BRINP3: variants seen among roughly 807,000 people sequenced by gnomAD.
The protein encoded by BRINP3 is BMP/retinoic acid-inducible neural-specific protein 3.
Under a neutral mutation model 71.0 loss-of-function variants are expected in BRINP3, and 19 were observed. That is an observed-to-expected ratio of 0.27 (90% CI 0.19 to 0.39). The LOEUF is 0.39. BRINP3 is among the 10% of genes least tolerant of loss of function. The pLI is 1.00. For missense variants in BRINP3, 959 were observed against 940.8 expected (o/e 1.02, Z -0.25); for synonymous variants, 380 against 337.7 (o/e 1.13, Z -1.37).
At chr1:190,408,114 C>A (rs963195372) in intron 2 of BRINP3, among the ~76,000 whole-genome samples, 1 of 150,502 alleles carries the variant, frequency 6.6e-6, no homozygotes, top group Non-Finnish European at 1.5e-5. Flanking sequence ...CTCCGCCTCC[C>A]GGGTTCACGC....
chr1:190,174,610 A>G (rs994424075), intron 6 of BRINP3, among the ~76,000 whole-genome samples: 2 of 152,148 alleles, frequency 1.3e-5, no homozygotes, highest in Admixed American at 6.6e-5. Context: ...AGTTTTATAT[A>G]TAATAGCATT....
intron 2 of BRINP3, among the ~76,000 whole-genome samples, chr1:190,305,301 C>A (rs1375776262): frequency 1.3e-5 from 2 of 151,698 alleles, no homozygotes. Context: ...GATTTGCATT[C>A]TTTAGTTTAT....
Position 190,401,723 on chromosome 1 carries a change from A to G in BRINP3, c.236+52932T>C, listed in dbSNP as rs1571956944. ...GATTTCTGTTAATTACTGTAAATGA[A>G]CCCAAATTAATAAAAGAAAACAATT... is the stretch of plus-strand genomic sequence containing the variant. On this transcript the variant is annotated intron_variant, in intron 2 of 7. Coordinates refer to ENST00000367462, the MANE Select transcript of BRINP3 (RefSeq NM_199051.3). 2.0e-5 allele frequency among the ~76,000 whole-genome samples: 3 copies of G among 152,288 alleles called. No homozygotes were observed. The South Asian group carries it at 6.2e-4, about 32-fold the overall frequency.
intron 2 of BRINP3, among the ~76,000 whole-genome samples, chr1:190,297,241 A>G (rs549244755): frequency 2.0e-5 from 3 of 152,214 alleles, no homozygotes; most frequent in African/African-American, 7.2e-5. Context: ...CTATTCATAT[A>G]TGGTTATCTA....
At chr1:190,402,758 G>T (rs1373867657) in intron 2 of BRINP3, among the ~76,000 whole-genome samples, 1 of 151,934 alleles carries the variant, frequency 6.6e-6, no homozygotes. Flanking sequence ...TTTGAGACAG[G>T]TCTCATTCTG....
At chr1:190,396,986 G>T (rs1032725970) in intron 2 of BRINP3, among the ~76,000 whole-genome samples, 2 of 151,770 alleles carry the variant, frequency 1.3e-5, no homozygotes, top group African/African-American at 4.8e-5. Flanking sequence ...CAAAGGGGAT[G>T]TATGACTTCC....
At chr1:190,171,918 G>A (rs1173335529) in intron 6 of BRINP3, among the ~76,000 whole-genome samples, 3 of 151,720 alleles carry the variant, frequency 2.0e-5, no homozygotes, top group Non-Finnish European at 2.9e-5. Flanking sequence ...ACCAGCCGGC[G>A]AAGCATAGTA....
rs573625670 is a variant in BRINP3, at chr1:190,314,294, T to C, written c.237-32544A>G. Among the ~76,000 whole-genome samples, 5 of 152,162 alleles carry C rather than the reference T, an allele frequency of 3.3e-5. No individual in the cohort carries two copies. In the South Asian group the frequency reaches 1.0e-3, roughly 32 times the overall value. On this transcript the variant is annotated intron_variant, in intron 2 of 7. Coordinates refer to ENST00000367462, the MANE Select transcript of BRINP3 (RefSeq NM_199051.3). ...GAAGGTTTCCTGGAGAAGTAAATAT[T>C]GGGTAAGCAGAATAATTGCCTTCCC...
intron 2 of BRINP3, among the ~76,000 whole-genome samples, chr1:190,442,026 A>G (rs1157288948): frequency 6.6e-6 from 1 of 152,138 alleles, no homozygotes; most frequent in Admixed American, 6.5e-5. Context: ...TTCAATCTTT[A>G]GAATCTTTTG....
At chr1:190,425,102 A>G (rs1188930308) in intron 2 of BRINP3, among the ~76,000 whole-genome samples, 1 of 151,742 alleles carries the variant, frequency 6.6e-6, no homozygotes. Flanking sequence ...TGAAAATCTC[A>G]GAATGCAAAA....
chr1:190,235,993 T>C (rs1239864080), intron 4 of BRINP3, among the ~76,000 whole-genome samples: 1 of 151,966 alleles, frequency 6.6e-6, no homozygotes, highest in African/African-American at 2.4e-5. Flanking sequence ...ATTAAGTTCT[T>C]GCATCAGCTG....
intron 2 of BRINP3, among the ~76,000 whole-genome samples, chr1:190,326,657 C>G (rs1356381053): frequency 1.3e-5 from 2 of 152,140 alleles, no homozygotes; most frequent in African/African-American, 2.4e-5. Flanking sequence ...GAAAGATTTA[C>G]AAGGAAAAGA....
intron 2 of BRINP3, among the ~76,000 whole-genome samples, chr1:190,438,721 T>A (rs1452503552): frequency 6.6e-6 from 1 of 151,724 alleles, no homozygotes; most frequent in Non-Finnish European, 1.5e-5. Flanking sequence ...CAAGCAAAAA[T>A]GCAAAGGTGA....
chr1:190,472,151 T>C (rs1349614297), intron 1 of BRINP3, among the ~76,000 whole-genome samples: 1 of 151,684 alleles, frequency 6.6e-6, no homozygotes, highest in Non-Finnish European at 1.5e-5. Flanking sequence ...AAAGCATCCA[T>C]ATCTCTTATG....
chr1:190,406,688 G>T (rs1249536762), intron 2 of BRINP3, among the ~76,000 whole-genome samples: 1 of 152,092 alleles, frequency 6.6e-6, no homozygotes, highest in African/African-American at 2.4e-5. Context: ...AGCTAAAGAT[G>T]CTCTTGTCTA....
At chr1:190,149,979 T>C (rs1431235901) in intron 7 of BRINP3, among the ~76,000 whole-genome samples, 1 of 152,172 alleles carries the variant, frequency 6.6e-6, no homozygotes, top group Non-Finnish European at 1.5e-5. Context: ...TTTATTTCAA[T>C]TGGCATTGAT....
intron 4 of BRINP3, among the ~76,000 whole-genome samples, chr1:190,259,211 C>A (rs544537245): frequency 1.3e-4 from 19 of 150,946 alleles, no homozygotes; most frequent in African/African-American, 4.4e-4. Context: ...AGTCCAATAT[C>A]CACTTTGAAT....
At chr1:190,462,538 T>C (rs1283004381) in intron 1 of BRINP3, among the ~76,000 whole-genome samples, 2 of 152,154 alleles carry the variant, frequency 1.3e-5, no homozygotes, top group Non-Finnish European at 2.9e-5. Context: ...ACTAGGATTA[T>C]TTTGATTGAG....
intron 3 of BRINP3, among the ~76,000 whole-genome samples, chr1:190,278,862 CA>C (rs138503043): frequency 1.3e-4 from 19 of 142,554 alleles, no homozygotes; most frequent in East Asian, 1.3e-3. Flanking sequence ...ATGGTGTATA[CA>C]AAAAAAAAAC....
Sources: gnomAD v4.1 joint callset for allele counts (sites outside exome capture counted in the v4.1 genomes callset) on GRCh38, gnomAD v4.1.1 for gene constraint, MANE v1.5 for transcripts, NCBI Gene and HGNC (gene_info 2026-07-23, HGNC 2026-07-21) for gene names.